Variants in ADAM12 observed in about 807,000 individuals in gnomAD.
ADAM12 encodes ADAM metallopeptidase domain 12.
A neutral mutation model predicts 106.4 loss-of-function variants in ADAM12; 70 were observed. That is an observed-to-expected ratio of 0.66 (90% CI 0.54 to 0.80). The LOEUF (loss-of-function observed/expected upper bound fraction) is 0.80, where lower values mean the gene tolerates loss of function less well. ADAM12 is among the 30% of genes least tolerant of loss of function. ADAM12 has a pLI of 0.00. For missense variants in ADAM12, 1,010 were observed against 1,171.9 expected, an observed-to-expected ratio of 0.86 and a Z score of 2.02; for synonymous variants, 420 against 433.5, an observed-to-expected ratio of 0.97 and a Z score of 0.39.
At chr10:126,251,764 G>C (rs1199143725) in intron 3 of ADAM12, among the ~76,000 whole-genome samples, 1 of 151,956 alleles carries the variant, frequency 6.6e-6, no homozygotes, top group Non-Finnish European at 1.5e-5. Context: ...TGGATGGATG[G>C]GATGATGGGA....
chr10:126,035,585 C>T (rs1954044657), intron 21 of ADAM12, among the ~76,000 whole-genome samples: 1 of 152,144 alleles, frequency 6.6e-6, no homozygotes, highest in African/African-American at 2.4e-5. Context: ...CTTGTTTTCT[C>T]CTCCCTTCAA....
intron 3 of ADAM12, among the ~76,000 whole-genome samples, chr10:126,210,844 G>A (rs762112826): frequency 1.5e-4 from 23 of 152,218 alleles, no homozygotes; most frequent in Non-Finnish European, 2.5e-4. Context: ...GAGAAGTCTG[G>A]CAGACTAGGA....
At position 126,342,779 on chromosome 10, in the gene ADAM12, T is replaced by C. The variant is rs1298896514; in HGVS notation, c.89-12270A>G. Among the ~76,000 whole-genome samples the C allele has an allele frequency of 2.0e-5, 3 of 152,304 alleles. No individual in the cohort carries two copies. In the East Asian group the frequency reaches 5.8e-4, roughly 30 times the overall value. The stretch of plus-strand genomic sequence containing the variant: ...CTAATGATGCATTAATTGTTCTAAA[T>C]GGATTTTCATTTCTCTGCAAGATGA... On this transcript the variant is annotated intron_variant, in intron 1 of 22. Transcript: ENST00000448723.
At chr10:126,302,011 C>A (rs576336714) in intron 2 of ADAM12, among the ~76,000 whole-genome samples, 14 of 152,264 alleles carry the variant, frequency 9.2e-5, no homozygotes, top group Admixed American at 2.0e-4. Context: ...AAGTCCAAAT[C>A]GTATACAAAA....
chr10:126,020,114 A>G (rs1953735893), intron 21 of ADAM12, among the ~76,000 whole-genome samples: 1 of 152,160 alleles, frequency 6.6e-6, no homozygotes, highest in South Asian at 2.1e-4. Context: ...CACCCTGAGG[A>G]TACACACTTT....
At chr10:126,372,768 T>C (rs768268915) in intron 1 of ADAM12, among the ~76,000 whole-genome samples, 1 of 152,252 alleles carries the variant, frequency 6.6e-6, no homozygotes, top group African/African-American at 2.4e-5. Flanking sequence ...TTGAAATTGC[T>C]TTCTCACTGA....
intron 2 of ADAM12, among the ~76,000 whole-genome samples, chr10:126,288,682 G>A (rs1959996981): frequency 1.3e-5 from 2 of 151,182 alleles, no homozygotes; most frequent in African/African-American, 4.9e-5. Context: ...ATCATGCGGT[G>A]ACGTGGTGAT....
chr10:126,085,186 G>A (rs1438163131), intron 11 of ADAM12, among the ~76,000 whole-genome samples: 1 of 152,060 alleles, frequency 6.6e-6, no homozygotes, highest in African/African-American at 2.4e-5. Flanking sequence ...GAAAAGCAGT[G>A]GACTCTGCCT....
chr10:126,125,749 A>G (rs919461956), intron 5 of ADAM12, among the ~76,000 whole-genome samples: 4 of 151,868 alleles, frequency 2.6e-5, no homozygotes, highest in Admixed American at 1.3e-4. Flanking sequence ...GGGACTTTGC[A>G]AATGTAATTA....
chr10:126,056,468 A>T (rs1462175617), intron 14 of ADAM12, among the ~76,000 whole-genome samples: 1 of 152,222 alleles, frequency 6.6e-6, no homozygotes, highest in Non-Finnish European at 1.5e-5. Flanking sequence ...GAATGAAGAA[A>T]AGTGGCTAAC....
At chr10:126,042,060 C>T in intron 18 of ADAM12, 1 of 1,564,778 alleles carries the variant, frequency 6.4e-7, no homozygotes, top group African/African-American at 1.4e-5. Context: ...TGCTGCCAGT[C>T]ACAGGAGGCC....
chr10:126,019,892 G>A, intron 21 of ADAM12, 67 bp from the exon 22 acceptor site: 2 of 1,507,310 alleles, frequency 1.3e-6, no homozygotes, highest in Non-Finnish European at 1.8e-6. Context: ...GAGAAGCAGG[G>A]CCTGCCGCTT....
chr10:126,065,917 A>G (rs1316634471), intron 13 of ADAM12, among the ~76,000 whole-genome samples: 1 of 152,132 alleles, frequency 6.6e-6, no homozygotes, highest in Non-Finnish European at 1.5e-5. Flanking sequence ...CCAGCTGCTT[A>G]TAACATTCCC....
At position 126,071,709 on chromosome 10, in the gene ADAM12, GCC is replaced by G. The variant is rs1954997076; in HGVS notation, c.1146-57_1146-56del. 7 of 1,589,774 alleles carry G rather than the reference GCC, an allele frequency of 4.4e-6. No individual in the cohort carries two copies. In the East Asian group the frequency reaches 1.6e-4, roughly 36 times the overall value. Reference sequence around the variant, plus strand: ...CACAGGGCATGGAATGGCTTTGTCTGCCCTTCTTGTGCCCACAAGAAGGCACC... The same window carrying G: ...CACAGGGCATGGAATGGCTTTGTCTGCTTCTTGTGCCCACAAGAAGGCACC... On this transcript the variant is annotated intron_variant, in intron 11 of 22. Coordinates refer to ENST00000448723, the MANE Select transcript of ADAM12 (RefSeq NM_001288973.2).
chr10:126,076,506 G>A (rs912635016), intron 11 of ADAM12, among the ~76,000 whole-genome samples: 15 of 152,292 alleles, frequency 9.8e-5, no homozygotes, highest in African/African-American at 3.1e-4. Context: ...GCTTTCCACA[G>A]TGGCTAGCCT....
intron 14 of ADAM12, among the ~76,000 whole-genome samples, chr10:126,055,061 A>G (rs566621089): frequency 1.3e-5 from 2 of 152,330 alleles, no homozygotes; most frequent in South Asian, 4.1e-4. Context: ...AATGAGAAGG[A>G]AAGAAGAGAA....
intron 3 of ADAM12, among the ~76,000 whole-genome samples, chr10:126,157,754 C>A (rs1285329321): frequency 3.9e-5 from 6 of 152,210 alleles, no homozygotes; most frequent in Non-Finnish European, 7.3e-5. Flanking sequence ...AGCTCTGAAA[C>A]CCCTGTCTTC....
At chr10:126,272,729 C>T (rs898755366) in intron 3 of ADAM12, 5 of 176,628 alleles carry the variant, frequency 2.8e-5, no homozygotes, top group East Asian at 1.7e-4. Flanking sequence ...ACTGTTGGTC[C>T]GGGTGCTGCT....
chr10:126,244,354 C>T (rs187224039), intron 3 of ADAM12, among the ~76,000 whole-genome samples: 91 of 152,296 alleles, frequency 6.0e-4, no homozygotes, highest in African/African-American at 1.9e-3. Flanking sequence ...AAGGCAACCA[C>T]AGCCTGCATG....
Sources: allele counts gnomAD v4.1 joint callset (sites outside exome capture counted in the v4.1 genomes callset), GRCh38; gene constraint gnomAD v4.1.1; transcripts MANE v1.5; gene names NCBI Gene and HGNC (gene_info 2026-07-23, HGNC 2026-07-21).